Variants in CFAP299 observed in about 807,000 individuals in gnomAD.
CFAP299 encodes the protein cilia- and flagella-associated protein 299.
Under a neutral mutation model 27.0 loss-of-function variants are expected in CFAP299, and 21 were observed. The ratio of observed to expected loss-of-function variants is 0.78; its 90% CI spans 0.55 to 1.12. CFAP299 has a LOEUF of 1.12. CFAP299 is among the 50% of genes most tolerant of loss of function. The probability of loss-of-function intolerance (pLI) is 0.00; values close to 1 mark genes in which losing one functional copy is unlikely to be tolerated. For missense variants in CFAP299, 310 were observed against 276.6 expected (o/e 1.12, Z -0.86); for synonymous variants, 104 against 98.1 (o/e 1.06, Z -0.36).
intron 2 of CFAP299, among the ~76,000 whole-genome samples, chr4:80,581,637 A>C (rs996183419): frequency 3.3e-5 from 5 of 151,494 alleles, no homozygotes; most frequent in African/African-American, 1.2e-4. Flanking sequence ...TGCAAAAAGC[A>C]ATCACTAGGT....
chr4:80,437,906 T>C (rs1728170094), intron 2 of CFAP299, among the ~76,000 whole-genome samples: 1 of 152,212 alleles, frequency 6.6e-6, no homozygotes, highest in Non-Finnish European at 1.5e-5. Context: ...ATTTACACCA[T>C]TTTCTTTAGG....
chr4:80,667,359 GC>G (rs374547841), intron 3 of CFAP299, among the ~76,000 whole-genome samples: 98 of 152,030 alleles, frequency 6.4e-4, no homozygotes, highest in African/African-American at 2.0e-3. Flanking sequence ...ATTATTTTCT[GC>G]CAGCTACTTT....
intron 4 of CFAP299, among the ~76,000 whole-genome samples, chr4:80,895,447 A>G (rs1423584878): frequency 1.3e-5 from 2 of 152,034 alleles, no homozygotes; most frequent in Non-Finnish European, 2.9e-5. Context: ...GTAAATAAGC[A>G]CAAGATTAGA....
intron 2 of CFAP299, among the ~76,000 whole-genome samples, chr4:80,445,117 G>T (rs574817920): frequency 1.1e-4 from 17 of 152,166 alleles, no homozygotes; most frequent in Non-Finnish European, 1.8e-4. Context: ...ACAGTGTGGC[G>T]ATTCCTCAAG....
At chr4:80,460,041 G>T (rs1184537054) in intron 2 of CFAP299, among the ~76,000 whole-genome samples, 1 of 152,182 alleles carries the variant, frequency 6.6e-6, no homozygotes, top group African/African-American at 2.4e-5. Flanking sequence ...GTTACAGAAA[G>T]AATAGGGGCT....
intron 2 of CFAP299, among the ~76,000 whole-genome samples, chr4:80,488,510 G>T (rs1479804026): frequency 1.4e-5 from 2 of 138,286 alleles, no homozygotes; most frequent in Admixed American, 7.6e-5. Flanking sequence ...GTCTCACTCT[G>T]TTGCCCAGGC....
At position 80,782,613 on chromosome 4, in the gene CFAP299, AAT is replaced by A. The variant is rs561183458; in HGVS notation, c.334-87374_334-87373del. The stretch of plus-strand genomic sequence containing the variant: ...TATTCATATATAATATACATATATT[AAT>A]ATATAATATATTCATATATAATATA... On this transcript the variant is annotated intron_variant, in intron 3 of 5. Transcript: ENST00000358105. 7.1e-3 allele frequency among the ~76,000 whole-genome samples: 737 copies of A among 104,514 alleles called. 6 individuals carry two copies. The highest frequency in any genetic ancestry group is 0.024 in the African/African-American group (694 of 29,346). 68.6% of individuals were successfully genotyped at this position (104,514 alleles called of 152,430 possible).
intron 2 of CFAP299, among the ~76,000 whole-genome samples, chr4:80,547,276 GA>G (rs1734281446): frequency 6.6e-6 from 1 of 152,028 alleles, no homozygotes; most frequent in Non-Finnish European, 1.5e-5. Flanking sequence ...AAACAATGAG[GA>G]AAGGACTTCT....
chr4:80,569,597 T>C (rs1428261734), intron 2 of CFAP299, among the ~76,000 whole-genome samples: 1 of 151,954 alleles, frequency 6.6e-6, no homozygotes, highest in Non-Finnish European at 1.5e-5. Context: ...TTAAAATTAG[T>C]AGGGAATAAT....
At chr4:80,542,280 A>G (rs1032051536) in intron 2 of CFAP299, among the ~76,000 whole-genome samples, 2 of 152,164 alleles carry the variant, frequency 1.3e-5, no homozygotes, top group Admixed American at 1.3e-4. Context: ...CTTAGTTTGC[A>G]TACAGCCTAT....
intron 2 of CFAP299, among the ~76,000 whole-genome samples, chr4:80,385,063 T>C (rs1724899213): frequency 1.3e-5 from 2 of 152,210 alleles, no homozygotes; most frequent in Non-Finnish European, 2.9e-5. Context: ...CTATTACATA[T>C]CCATCATCTC....
At chr4:80,445,491 A>C (rs2110090819) in intron 2 of CFAP299, among the ~76,000 whole-genome samples, 2 of 152,306 alleles carry the variant, frequency 1.3e-5, no homozygotes, top group Middle Eastern at 6.8e-3. Flanking sequence ...ACATGGACAC[A>C]GGGAGGGGAA....
At chr4:80,719,122 C>A (rs1358103537) in intron 3 of CFAP299, among the ~76,000 whole-genome samples, 1 of 151,944 alleles carries the variant, frequency 6.6e-6, no homozygotes, top group Non-Finnish European at 1.5e-5. Context: ...AAGGAAACAA[C>A]AGACATTGGG....
intron 2 of CFAP299, among the ~76,000 whole-genome samples, chr4:80,564,876 G>GA (rs1420159285): frequency 1.3e-5 from 2 of 151,662 alleles, no homozygotes; most frequent in Admixed American, 6.6e-5. Context: ...TGAACAATCT[G>GA]AAAAAATATT....
At chr4:80,670,118 C>T (rs1325198905) in intron 3 of CFAP299, among the ~76,000 whole-genome samples, 2 of 152,054 alleles carry the variant, frequency 1.3e-5, no homozygotes, top group African/African-American at 4.8e-5. Context: ...AGGTATTTCT[C>T]CTAATGCTAT....
intron 3 of CFAP299, among the ~76,000 whole-genome samples, chr4:80,637,568 G>A (rs367826207): frequency 1.2e-4 from 18 of 152,162 alleles, no homozygotes; most frequent in African/African-American, 4.3e-4. Flanking sequence ...GGAATTCCCA[G>A]CACTATAGCA....
chr4:80,853,630 A>C (rs1399619232), intron 3 of CFAP299, among the ~76,000 whole-genome samples: 1 of 152,186 alleles, frequency 6.6e-6, no homozygotes, highest in Non-Finnish European at 1.5e-5. Context: ...GGAGTAGAAT[A>C]AGTTATAGGG....
At chr4:80,954,993 C>T (rs769671809) in intron 5 of CFAP299, among the ~76,000 whole-genome samples, 1 of 74,746 alleles carries the variant, frequency 1.3e-5, no homozygotes, top group African/African-American at 5.9e-5. Context: ...GAGCAAGACT[C>T]CATCAAAAAA....
chr4:80,906,408 A>C (rs1410872765), intron 4 of CFAP299, among the ~76,000 whole-genome samples: 1 of 152,156 alleles, frequency 6.6e-6, no homozygotes. Context: ...CTGCCAGTGA[A>C]TCTACGATTC....
Sources: allele counts gnomAD v4.1 joint callset (sites outside exome capture counted in the v4.1 genomes callset), GRCh38; gene constraint gnomAD v4.1.1; transcripts MANE v1.5; gene names NCBI Gene and HGNC (gene_info 2026-07-23, HGNC 2026-07-21).